Variants in SHANK2 observed in about 807,000 individuals in gnomAD.
SHANK2 encodes SH3 and multiple ankyrin repeat domains protein 2.
In SHANK2, 43 loss-of-function variants were observed where a neutral mutation model predicts 133.7. The ratio of observed to expected loss-of-function variants is 0.32; its 90% CI spans 0.25 to 0.41. The LOEUF (loss-of-function observed/expected upper bound fraction) is 0.41. SHANK2 is among the 10% of genes least tolerant of loss of function. The pLI is 1.00. For missense variants in SHANK2, 1,994 were observed against 2,235.8 expected (o/e 0.89, Z 2.18); for synonymous variants, 1,017 against 952.8 (o/e 1.07, Z -1.24).
At chr11:70,632,353 C>T (rs969155102) in intron 17 of SHANK2, among the ~76,000 whole-genome samples, 1 of 152,006 alleles carries the variant, frequency 6.6e-6, no homozygotes, top group Admixed American at 6.5e-5. Flanking sequence ...TCTCGATCTC[C>T]TGACCTCGTG....
chr11:70,744,206 G>A (rs781791204), intron 14 of SHANK2, among the ~76,000 whole-genome samples: 52 of 152,242 alleles, frequency 3.4e-4, no homozygotes, highest in Middle Eastern at 3.2e-3. Flanking sequence ...CCCCATGGCC[G>A]AGGCTTTAGC....
At chr11:71,170,327 C>T (rs1565493012) in intron 2 of SHANK2, among the ~76,000 whole-genome samples, 1 of 152,160 alleles carries the variant, frequency 6.6e-6, no homozygotes, top group Non-Finnish European at 1.5e-5. Flanking sequence ...GCTGAACAGA[C>T]TAGCAGGACA....
At chr11:70,557,363 C>T (rs2059846896) in intron 17 of SHANK2, among the ~76,000 whole-genome samples, 1 of 152,180 alleles carries the variant, frequency 6.6e-6, no homozygotes, top group African/African-American at 2.4e-5. Flanking sequence ...CCAGCCCACC[C>T]TGAGGCTCTT....
intron 15 of SHANK2, among the ~76,000 whole-genome samples, chr11:70,675,292 C>A (rs1944886171): frequency 6.6e-6 from 1 of 152,136 alleles, no homozygotes; most frequent in Admixed American, 6.5e-5. Context: ...CCTTTGAGCA[C>A]CTTCCACACA....
At chr11:70,705,447 TGA>T (rs1555024675) in intron 14 of SHANK2, among the ~76,000 whole-genome samples, 1 of 152,148 alleles carries the variant, frequency 6.6e-6, no homozygotes, top group Middle Eastern at 3.2e-3. Flanking sequence ...AGGCAAAGGC[TGA>T]GTTTGGCCTC....
chr11:70,498,813 T>C (rs1555157689), intron 21 of SHANK2, among the ~76,000 whole-genome samples: 1 of 151,930 alleles, frequency 6.6e-6, no homozygotes, highest in South Asian at 2.1e-4. Flanking sequence ...CCTTCAGGGG[T>C]CTGGAGAGGA....
At chr11:70,937,606 T>A (rs149810618) in intron 10 of SHANK2, among the ~76,000 whole-genome samples, 5 of 152,120 alleles carry the variant, frequency 3.3e-5, no homozygotes, top group African/African-American at 1.2e-4. Context: ...CATTGGATCA[T>A]GTGCATTCTG....
intron 17 of SHANK2, among the ~76,000 whole-genome samples, chr11:70,633,170 T>G (rs2061023000): frequency 6.7e-6 from 1 of 149,294 alleles, no homozygotes; most frequent in Admixed American, 6.7e-5. Flanking sequence ...TATTTATACA[T>G]ATATTCATAT....
chr11:70,651,019 C>T (rs575965182), intron 17 of SHANK2, among the ~76,000 whole-genome samples: 1 of 152,316 alleles, frequency 6.6e-6, no homozygotes, highest in East Asian at 1.9e-4. Context: ...CTTTTATTTA[C>T]AGTTCAAGAA....
At chr11:71,057,549 CA>C (rs1950935075) in intron 9 of SHANK2, among the ~76,000 whole-genome samples, 8 of 152,150 alleles carry the variant, frequency 5.3e-5, no homozygotes, top group Admixed American at 3.3e-4. Context: ...AATCTTTTTA[CA>C]CTTTATTTTT....
At chr11:70,884,264 G>C (rs1440016074) in intron 11 of SHANK2, among the ~76,000 whole-genome samples, 1 of 152,210 alleles carries the variant, frequency 6.6e-6, no homozygotes, top group Non-Finnish European at 1.5e-5. Flanking sequence ...GGGCCAGACA[G>C]GCTAAAGTCC....
intron 10 of SHANK2, among the ~76,000 whole-genome samples, chr11:70,902,387 T>C (rs1374972404): frequency 6.6e-6 from 1 of 152,216 alleles, no homozygotes; most frequent in Non-Finnish European, 1.5e-5. Context: ...GCAGAGGGCA[T>C]CCTCCCTCGC....
At chr11:70,836,687 G>C (rs112346578) in intron 11 of SHANK2, among the ~76,000 whole-genome samples, 5 of 152,124 alleles carry the variant, frequency 3.3e-5, no homozygotes, top group African/African-American at 1.2e-4. Context: ...CCAACGCCTG[G>C]GTGTCTCAGG....
At chr11:70,508,140 T>A (rs1423970945) in intron 17 of SHANK2, among the ~76,000 whole-genome samples, 5 of 152,200 alleles carry the variant, frequency 3.3e-5, no homozygotes, top group African/African-American at 1.2e-4. Context: ...TGTGCCCGGC[T>A]CTGACCTCAG....
At chr11:70,898,203 C>A (rs1555076045) in intron 10 of SHANK2, among the ~76,000 whole-genome samples, 2 of 149,756 alleles carry the variant, frequency 1.3e-5, no homozygotes, top group Non-Finnish European at 3.0e-5. Flanking sequence ...AACTCTTGGC[C>A]TCAAGTGATC....
chr11:70,616,835 C>T (rs967291826), intron 17 of SHANK2, among the ~76,000 whole-genome samples: 3 of 151,950 alleles, frequency 2.0e-5, no homozygotes, highest in East Asian at 1.9e-4. Flanking sequence ...GCCTGCGGGG[C>T]GTCCCCCGAC....
intron 17 of SHANK2, among the ~76,000 whole-genome samples, chr11:70,616,674 G>T (rs1554996052): frequency 6.6e-6 from 1 of 152,178 alleles, no homozygotes; most frequent in Non-Finnish European, 1.5e-5. Context: ...GGCAGGGTGG[G>T]GTGTGGGGGG....
chr11:70,887,726 G>A (rs964647327), intron 11 of SHANK2, among the ~76,000 whole-genome samples: 4 of 152,048 alleles, frequency 2.6e-5, no homozygotes, highest in African/African-American at 7.2e-5. Flanking sequence ...GGCTGTACAC[G>A]GCAAGTCAGA....
intron 8 of SHANK2, among the ~76,000 whole-genome samples, chr11:71,083,936 AAAAAC>A (rs1283884032): frequency 6.9e-4 from 104 of 150,874 alleles, no homozygotes; most frequent in African/African-American, 2.5e-3. Context: ...TTTGGTAATC[AAAAAC>A]AAAACAAAAC....
Sources: gnomAD v4.1 joint callset for allele counts (sites outside exome capture counted in the v4.1 genomes callset) on GRCh38, gnomAD v4.1.1 for gene constraint, MANE v1.5 for transcripts, NCBI Gene and HGNC (gene_info 2026-07-23, HGNC 2026-07-21) for gene names.